Variants in ARNT2 observed in about 807,000 individuals in gnomAD.
The protein encoded by ARNT2 is aryl hydrocarbon receptor nuclear translocator 2.
A neutral mutation model predicts 91.7 loss-of-function variants in ARNT2; 36 were observed. The ratio of observed to expected loss-of-function variants is 0.39; its 90% CI spans 0.30 to 0.52. The LOEUF (loss-of-function observed/expected upper bound fraction) is 0.52. ARNT2 is among the 20% of genes least tolerant of loss of function. The probability of loss-of-function intolerance (pLI) is 0.72; values close to 1 mark genes in which losing one functional copy is unlikely to be tolerated. For synonymous variants in ARNT2, 365 were observed against 347.1 expected, an observed-to-expected ratio of 1.05 and a Z score of -0.57; for missense variants, 775 against 939.3, an observed-to-expected ratio of 0.83 and a Z score of 2.29.
At chr15:80,509,168 G>A (rs1181900568) in intron 6 of ARNT2, among the ~76,000 whole-genome samples, 1 of 152,226 alleles carries the variant, frequency 6.6e-6, no homozygotes, top group East Asian at 1.9e-4. Context: ...AAGGCCGGGT[G>A]TGGTGGCTCA....
chr15:80,518,815 G>A (rs1897484852), intron 8 of ARNT2, among the ~76,000 whole-genome samples: 2 of 152,158 alleles, frequency 1.3e-5, no homozygotes, highest in South Asian at 4.1e-4. Context: ...TTTTCCGTAG[G>A]TGAGATAAGG....
intron 9 of ARNT2, 102 bp from the exon 10 acceptor site, chr15:80,552,538 T>C: frequency 7.1e-7 from 1 of 1,408,242 alleles, no homozygotes; most frequent in Non-Finnish European, 9.8e-7. Context: ...CATGGAAGGA[T>C]CTTTGAAGTG....
At position 80,580,511 on chromosome 15, in the gene ARNT2, G is replaced by A. The variant is rs1166279744; in HGVS notation, c.1714G>A (p.Val572Met). Residue 572 changes from valine to methionine, a missense_variant, in exon 16 of 19, where the codon GTG becomes ATG. Val to Met is a conservative substitution (Grantham distance 21). Transcript: ENST00000303329. The stretch of plus-strand genomic sequence containing the variant: ...CTCCCGGCAGCTAAACCAGAGTCAG[G>A]TGGCATGGACAGGGAGTCGTCCGCC... ...QISRQLNQSQ[V>M]AWTGSRPPFP... 2.5e-6 allele frequency: 4 copies of A among 1,614,168 alleles called. No individual in the cohort carries two copies. Among genetic ancestry groups the A allele is most frequent in the Admixed American group, 1.7e-5 (1 of 60,026 alleles).
chr15:80,404,467 CG>C lies in ARNT2; in HGVS notation c.-48del. On this transcript the variant is annotated 5_prime_UTR_variant, in exon 1 of 19. Transcript: ENST00000303329. This position sits in a 1 kb window ranked among gnomAD's most constrained non-coding sequence, Gnocchi z 5.5. ...CGGGGCTGAGCGCCGGGCTCCGCGC[CG>C]CCCCTCCCGCGCCCCTGCCAAGCGG... 8.4e-7 allele frequency: 1 copy of C among 1,189,080 alleles called. No homozygotes were observed. The allele number at this position is 1,189,080 out of a possible 1,614,324, so 73.7% of individuals were successfully genotyped here.
chr15:80,515,085 C>T (rs1003066523), intron 8 of ARNT2, among the ~76,000 whole-genome samples: 64 of 152,232 alleles, frequency 4.2e-4, no homozygotes, highest in African/African-American at 1.5e-3. Flanking sequence ...CGTATTCTCA[C>T]TAAGATGGTT....
At chr15:80,561,523 A>G (rs774745450) in intron 11 of ARNT2, among the ~76,000 whole-genome samples, 2 of 152,246 alleles carry the variant, frequency 1.3e-5, no homozygotes, top group Admixed American at 6.5e-5. Context: ...CATACAATGT[A>G]TACAGCAGTC....
At chr15:80,530,644 T>C (rs1897724459) in intron 8 of ARNT2, among the ~76,000 whole-genome samples, 1 of 152,140 alleles carries the variant, frequency 6.6e-6, no homozygotes, top group Non-Finnish European at 1.5e-5. Flanking sequence ...TTGTTGTAAA[T>C]TGGGGAGGGA....
In ARNT2 at chr15:80,580,415, T is replaced by C; in HGVS notation, c.1618T>C (p.Ser540Pro). 6.2e-7 allele frequency: 1 copy of C among 1,614,148 alleles called. No individual in the cohort carries two copies. Among genetic ancestry groups the C allele is most frequent in the South Asian group, 1.1e-5 (1 of 91,076 alleles). Residue 540 changes from serine (S) to proline (P), a missense_variant, in exon 16 of 19, where the codon TCA becomes CCA. Physicochemically the swap from Ser to Pro is moderately conservative, Grantham distance 74 (BLOSUM62 -1). Transcript: ENST00000303329. Reference protein sequence around the residue: ...SGHSGKAFSSSVVHVPGVNDI... With the variant: ...SGHSGKAFSSPVVHVPGVNDI... ...ATGCATTTTCCTCTTTTCTAGCTCT[T>C]CAGTGGTTCATGTGCCTGGAGTGAA...
intron 1 of ARNT2, among the ~76,000 whole-genome samples, chr15:80,410,836 G>A (rs1895671712): frequency 6.7e-6 from 1 of 149,888 alleles, no homozygotes; most frequent in Admixed American, 6.6e-5. Flanking sequence ...CCTATCATCT[G>A]TCTACCATCT....
At chr15:80,559,410 C>T (rs565721400) in intron 11 of ARNT2, among the ~76,000 whole-genome samples, 4 of 152,324 alleles carry the variant, frequency 2.6e-5, no homozygotes, top group East Asian at 1.9e-4. Flanking sequence ...GCACACCGCA[C>T]CTCGGCCCCG....
chr15:80,549,132 C>A (rs904282118), intron 8 of ARNT2, among the ~76,000 whole-genome samples: 1 of 152,072 alleles, frequency 6.6e-6, no homozygotes, highest in Admixed American at 6.5e-5. Context: ...TCTCAAATCA[C>A]TGCAATTTAA....
At chr15:80,418,458 C>G (rs1368857772) in intron 1 of ARNT2, among the ~76,000 whole-genome samples, 1 of 152,226 alleles carries the variant, frequency 6.6e-6, no homozygotes, top group Non-Finnish European at 1.5e-5. Flanking sequence ...TCTCCATTTG[C>G]TGGACCATTC....
chr15:80,456,857 G>A (rs1335017104), intron 2 of ARNT2, among the ~76,000 whole-genome samples: 1 of 152,196 alleles, frequency 6.6e-6, no homozygotes, highest in Admixed American at 6.5e-5. Flanking sequence ...TTCAGGCAAG[G>A]AGTTTCTCAA....
chr15:80,523,459 T>C (rs568598085), intron 8 of ARNT2, among the ~76,000 whole-genome samples: 94 of 152,268 alleles, frequency 6.2e-4, no homozygotes, highest in African/African-American at 2.2e-3. Flanking sequence ...TAGGACAGGG[T>C]TCCTGGAGGA....
chr15:80,452,431 T>C (rs1210896372), intron 2 of ARNT2, among the ~76,000 whole-genome samples: 1 of 152,192 alleles, frequency 6.6e-6, no homozygotes, highest in African/African-American at 2.4e-5. Context: ...CCGCTGGGGC[T>C]TCCTGCAAAC....
At chr15:80,590,893 G>A (rs1893263743) in intron 17 of ARNT2, among the ~76,000 whole-genome samples, 2 of 152,172 alleles carry the variant, frequency 1.3e-5, no homozygotes. Context: ...TGTCTGACCA[G>A]TGCCCAAATT....
chr15:80,464,326 G>C (rs556770045), intron 3 of ARNT2, among the ~76,000 whole-genome samples: 68 of 140,670 alleles, frequency 4.8e-4, no homozygotes, highest in Admixed American at 3.7e-3. Flanking sequence ...GGCTGGGGGT[G>C]GGGGGTTGCA....
chr15:80,445,595 C>T (rs1896285891), intron 1 of ARNT2, among the ~76,000 whole-genome samples: 1 of 151,576 alleles, frequency 6.6e-6, no homozygotes, highest in Non-Finnish European at 1.5e-5. Context: ...GGGTGGGAGA[C>T]AGGATGGAGG....
At chr15:80,439,161 T>A (rs376097474) in intron 1 of ARNT2, among the ~76,000 whole-genome samples, 4 of 152,268 alleles carry the variant, frequency 2.6e-5, no homozygotes, top group African/African-American at 9.6e-5. Flanking sequence ...ACATCATACA[T>A]ACAAGGAGCT....
Sources: allele counts gnomAD v4.1 joint callset (sites outside exome capture counted in the v4.1 genomes callset), GRCh38; gene constraint gnomAD v4.1.1; non-coding constraint Gnocchi (gnomAD v3.1); transcripts MANE v1.5; gene names NCBI Gene and HGNC (gene_info 2026-07-23, HGNC 2026-07-21).